Variants in PHC3 observed in about 807,000 individuals in gnomAD.
PHC3 encodes polyhomeotic-like protein 3.
Under a neutral mutation model 107.4 loss-of-function variants are expected in PHC3, and 13 were observed. The observed-to-expected ratio is 0.12, with a 90% CI of 0.08 to 0.19. The LOEUF (loss-of-function observed/expected upper bound fraction) is 0.19, where lower values mean the gene tolerates loss of function less well. Ranked by LOEUF, PHC3 falls within the 10% of genes least tolerant of loss-of-function variation. PHC3 has a pLI of 1.00. For missense variants in PHC3, 992 were observed against 1,210.9 expected, an observed-to-expected ratio of 0.82 and a Z score of 2.68; for synonymous variants, 456 against 427.4, an observed-to-expected ratio of 1.07 and a Z score of -0.83.
chr3:170,178,517 G>A (rs911617511), intron 2 of PHC3, among the ~76,000 whole-genome samples: 1 of 152,146 alleles, frequency 6.6e-6, no homozygotes, highest in Non-Finnish European at 1.5e-5. Context: ...GCAATAAGAC[G>A]GCCCTCGTGA....
chr3:170,118,912 C>G (rs191792711), intron 9 of PHC3, among the ~76,000 whole-genome samples: 2 of 151,820 alleles, frequency 1.3e-5, no homozygotes, highest in Non-Finnish European at 2.9e-5. Flanking sequence ...TATAAGCCAC[C>G]ATGCCCAGCC....
chr3:170,174,076 CCA>C (rs1393814651), intron 2 of PHC3, among the ~76,000 whole-genome samples: 1 of 151,938 alleles, frequency 6.6e-6, no homozygotes, highest in African/African-American at 2.4e-5. Flanking sequence ...ACCTGTAATC[CCA>C]GATACTCAGG....
At chr3:170,176,913 G>C in intron 2 of PHC3, 2 of 455,770 alleles carry the variant, frequency 4.4e-6, no homozygotes, top group South Asian at 3.1e-5. Context: ...TCATACCCAA[G>C]GCTATATAGC....
chr3:170,156,279 CAG>C (rs1489506024), intron 4 of PHC3, among the ~76,000 whole-genome samples: 2 of 151,494 alleles, frequency 1.3e-5, no homozygotes, highest in African/African-American at 4.9e-5. Context: ...TTTCTTGAGA[CAG>C]AGTCTCACTC....
chr3:170,165,516 G>A (rs1399686875), intron 4 of PHC3, among the ~76,000 whole-genome samples: 1 of 152,048 alleles, frequency 6.6e-6, no homozygotes, highest in African/African-American at 2.4e-5. Flanking sequence ...ACTTTGGGAG[G>A]CTGAGGCAGG....
At position 170,136,302 on chromosome 3, in the gene PHC3, A is replaced by T. The variant is rs1000071008; in HGVS notation, c.919+117T>A. Reference sequence around the variant, plus strand: ...CATTAAGATTAAGTTTATAAAATTCACATTTTAAAATGTTTTAAAGGTGTC... The same window carrying T: ...CATTAAGATTAAGTTTATAAAATTCTCATTTTAAAATGTTTTAAAGGTGTC... On this transcript the variant is annotated intron_variant, in intron 7 of 14. Transcript: ENST00000495893. The T allele has an allele frequency of 1.9e-5, 23 of 1,226,926 alleles. No individual in the cohort carries two copies. In the African/African-American group the frequency reaches 3.5e-4, roughly 19 times the overall value. 76.0% of individuals were successfully genotyped at this position (1,226,926 alleles called of 1,614,324 possible). A position where few individuals can be genotyped will look rare whatever the true frequency, so the allele number is the denominator to read the frequency against.
intron 6 of PHC3, among the ~76,000 whole-genome samples, chr3:170,138,612 A>C (rs1312655811): frequency 6.8e-6 from 1 of 147,062 alleles, no homozygotes; most frequent in Non-Finnish European, 1.5e-5. Context: ...ATTGCTTGAA[A>C]CCCGGAGGCA....
chr3:170,144,896 C>T (rs114633407), intron 6 of PHC3, among the ~76,000 whole-genome samples: 4,432 of 152,162 alleles, frequency 0.029, 83 homozygotes, highest in African/African-American at 0.047. Context: ...TAGTAAAGAC[C>T]GGGTCTTACT....
intron 4 of PHC3, among the ~76,000 whole-genome samples, chr3:170,151,626 C>T (rs1725997835): frequency 6.6e-6 from 1 of 152,174 alleles, no homozygotes; most frequent in Admixed American, 6.5e-5. Context: ...AGTCAAATCC[C>T]TATTTTGAGC....
chr3:170,115,478 T>C (rs1718738526), intron 10 of PHC3, among the ~76,000 whole-genome samples: 1 of 152,214 alleles, frequency 6.6e-6, no homozygotes, highest in Non-Finnish European at 1.5e-5. Flanking sequence ...TATACACATA[T>C]ACATACTGTG....
rs571395223 is a variant in PHC3, at chr3:170,178,221, G to A, written c.180+552C>T. Among the ~76,000 whole-genome samples the A allele has an allele frequency of 8.3e-3, 1,230 of 148,392 alleles. 17 individuals carry two copies. Among genetic ancestry groups the A allele is most frequent in the African/African-American group, 0.029 (1,163 of 40,038 alleles). The stretch of plus-strand genomic sequence containing the variant: ...TGCTGTGGCGCGATCTCCGCTCACT[G>A]CAAGCTCCGCCTTCCGGGTTCACGC... On this transcript the variant is annotated intron_variant, in intron 2 of 14. Coordinates refer to ENST00000495893, the MANE Select transcript of PHC3 (RefSeq NM_024947.4).
chr3:170,139,993 C>T (rs545973182), intron 6 of PHC3, among the ~76,000 whole-genome samples: 11 of 152,150 alleles, frequency 7.2e-5, no homozygotes, highest in African/African-American at 2.6e-4. Context: ...GCTAATTTCA[C>T]ATCTCACACT....
intron 10 of PHC3, among the ~76,000 whole-genome samples, chr3:170,116,936 A>G (rs1270370920): frequency 6.6e-6 from 1 of 152,112 alleles, no homozygotes; most frequent in African/African-American, 2.4e-5. Context: ...AAAAAATATA[A>G]AAGTTGATTT....
intron 8 of PHC3, 107 bp downstream of exon 8, chr3:170,128,577 C>T (rs1218584797): frequency 2.2e-6 from 3 of 1,366,488 alleles, no homozygotes; most frequent in African/African-American, 1.5e-5. Context: ...AAATTTCAAG[C>T]TTTTTTAGTT....
rs1475286344 is a variant in PHC3, at chr3:170,092,382, T to C, written c.*4848A>G. The C allele has an allele frequency of 6.6e-6, 1 of 152,172 alleles. No individual in the cohort carries two copies. The highest frequency in any genetic ancestry group is 6.6e-5 in the Admixed American group (1 of 15,266). 9.4% of individuals were successfully genotyped at this position (152,172 alleles called of 1,614,324 possible). On this transcript the variant is annotated 3_prime_UTR_variant, in exon 15 of 15. Coordinates refer to ENST00000495893, the MANE Select transcript of PHC3 (RefSeq NM_024947.4). ...ATATTTACTTTTCCTAATACTGTATTTGTGCTTATCTAAAGTGGATCACAA... is the reference window on the plus strand; with the variant it reads ...ATATTTACTTTTCCTAATACTGTATCTGTGCTTATCTAAAGTGGATCACAA...
chr3:170,127,891 C>A (rs1721612114), intron 8 of PHC3, among the ~76,000 whole-genome samples: 2 of 152,086 alleles, frequency 1.3e-5, no homozygotes, highest in African/African-American at 4.8e-5. Flanking sequence ...TTCTAGGCAA[C>A]AATTGTTTTT....
rs912830308 is a variant in PHC3 at position 170,172,429 on chromosome 3, T to C, written c.336+128A>G. Reference sequence around the variant, plus strand: ...ACTTCTATTCGGCAACCTATTAATATATTTCCTCCGGGAAAAATAACCACA... The same window carrying C: ...ACTTCTATTCGGCAACCTATTAATACATTTCCTCCGGGAAAAATAACCACA... On this transcript the variant is annotated intron_variant, in intron 3 of 14. Transcript: ENST00000495893. The C allele has an allele frequency of 3.0e-5, 30 of 992,174 alleles. No individual in the cohort carries two copies. The Admixed American group carries it at 8.9e-4, about 30-fold the overall frequency. 61.5% of individuals were successfully genotyped at this position (992,174 alleles called of 1,614,324 possible). A position where few individuals can be genotyped will look rare whatever the true frequency, so the allele number is the denominator to read the frequency against.
rs763688476 is a variant in PHC3, at chr3:170,128,923, T to A, written c.1549A>T (p.Met517Leu). 1.2e-6 allele frequency: 2 copies of A among 1,614,004 alleles called. No homozygotes were observed. Among genetic ancestry groups the A allele is most frequent in the South Asian group, 2.2e-5 (2 of 91,084 alleles). ...SPIPIASPPQ[M>L]STSPPAQIPP... ...ATCTGAGCTGGAGGAGATGTCGACA[T>A]CTGTGGAGGACTTGCAATTGGGATT... Residue 517 changes from methionine (M) to leucine (L), a missense_variant, in exon 8 of 15, where the codon ATG (methionine) becomes TTG (leucine). By Grantham distance (15) the Met-to-Leu change is conservative (BLOSUM62 2). This residue lies in a region of PHC3 where 543 missense variants were observed against 590.8 expected (regional missense o/e 0.92). Coordinates refer to ENST00000495893, the MANE Select transcript of PHC3 (RefSeq NM_024947.4).
Position 170,136,665 on chromosome 3 carries a change from C to A in PHC3, c.673G>T (p.Val225Phe). 3 of 1,612,466 alleles carry A rather than the reference C, an allele frequency of 1.9e-6. No individual in the cohort carries two copies. Among genetic ancestry groups the A allele is most frequent in the East Asian group, 4.5e-5 (2 of 44,840 alleles). ...TGGCTGCGTAATGTTAAATTCTGAA[C>A]CTAAGAACCACATAACAGAAAATTA... is the stretch of plus-strand genomic sequence containing the variant. ...SSSCQSAATQ[V>F]QNLTLRSQKL... The change falls in exon 7 of 15, where the codon GTT becomes TTT. Residue 225 changes from valine (V) to phenylalanine (F), a missense_variant and splice_region_variant. Coordinates refer to ENST00000495893, the MANE Select transcript of PHC3 (RefSeq NM_024947.4).
Sources: gnomAD v4.1 joint callset for allele counts (sites outside exome capture counted in the v4.1 genomes callset) on GRCh38, gnomAD v4.1.1 for gene constraint, gnomAD v4.1.1 regional missense constraint, MANE v1.5 for transcripts, NCBI Gene and HGNC (gene_info 2026-07-23, HGNC 2026-07-21) for gene names.